Variants in PARD3 observed in about 807,000 individuals in gnomAD.
PARD3 encodes the protein par-3 family cell polarity regulator.
PARD3 carries 75 observed loss-of-function variants against 155.4 expected under a neutral mutation model. That is an observed-to-expected ratio of 0.48 (90% CI 0.40 to 0.58). The LOEUF (loss-of-function observed/expected upper bound fraction) is 0.58. PARD3 is among the 20% of genes least tolerant of loss of function. The pLI is 0.00. For missense variants in PARD3, 1,642 were observed against 1,721.7 expected (o/e 0.95, Z 0.82); for synonymous variants, 576 against 610.5 (o/e 0.94, Z 0.83).
intron 22 of PARD3, among the ~76,000 whole-genome samples, chr10:34,152,854 G>A (rs7896314): frequency 0.25 from 37,460 of 152,040 alleles, 4,938 homozygotes; most frequent in Middle Eastern, 0.4. Context: ...TATGTTGTGG[G>A]ATGAGTGACA....
At chr10:34,147,232 T>C (rs886376619) in intron 22 of PARD3, among the ~76,000 whole-genome samples, 2 of 152,198 alleles carry the variant, frequency 1.3e-5, no homozygotes, top group African/African-American at 4.8e-5. Context: ...AGCACTTTTA[T>C]AGGTATCTAC....
chr10:34,223,805 G>C (rs907166328), intron 22 of PARD3, among the ~76,000 whole-genome samples: 8 of 152,198 alleles, frequency 5.3e-5, no homozygotes, highest in Non-Finnish European at 1.2e-4. Context: ...TAACATCTCT[G>C]TGAGACAGGT....
intron 14 of PARD3, among the ~76,000 whole-genome samples, chr10:34,354,334 C>T (rs543701528): frequency 4.6e-5 from 7 of 151,306 alleles, no homozygotes; most frequent in Admixed American, 1.3e-4. Context: ...GCTGAGATCA[C>T]GCCACTGCAC....
intron 22 of PARD3, among the ~76,000 whole-genome samples, chr10:34,212,926 CT>C (rs1233548338): frequency 2.0e-5 from 3 of 152,312 alleles, no homozygotes; most frequent in Non-Finnish European, 4.4e-5. Flanking sequence ...GCCCCTTCAT[CT>C]TTCTTCATCT....
Position 34,399,423 on chromosome 10 carries a change from A to G in PARD3, c.807-10T>C. ...GAGCTTTACCATATCACTGTGAGAC[A>G]ATGATGAATGAGGGAGCATGAACGT... On this transcript the variant is annotated splice_polypyrimidine_tract_variant and intron_variant, in intron 6 of 24. Coordinates refer to ENST00000374788, the MANE Select transcript of PARD3 (RefSeq NM_001184785.2). 6.4e-7 allele frequency: 1 copy of G among 1,570,436 alleles called. No homozygotes were observed.
intron 22 of PARD3, among the ~76,000 whole-genome samples, chr10:34,248,186 T>A (rs1184679812): frequency 6.6e-6 from 1 of 152,200 alleles, no homozygotes; most frequent in Admixed American, 6.5e-5. Flanking sequence ...CTAACAACTT[T>A]CATGGTTCAC....
intron 2 of PARD3, among the ~76,000 whole-genome samples, chr10:34,520,236 C>G (rs909561422): frequency 2.0e-5 from 3 of 152,094 alleles, no homozygotes; most frequent in Non-Finnish European, 4.4e-5. Context: ...AACCATTGTA[C>G]AGTCACAAAG....
At chr10:34,139,776 T>G (rs1427637845) in intron 22 of PARD3, among the ~76,000 whole-genome samples, 1 of 152,188 alleles carries the variant, frequency 6.6e-6, no homozygotes, top group Non-Finnish European at 1.5e-5. Flanking sequence ...ACTGTCAGCA[T>G]GACAAAGTGG....
chr10:34,579,511 T>C (rs1161858875), intron 2 of PARD3, among the ~76,000 whole-genome samples: 1 of 151,566 alleles, frequency 6.6e-6, no homozygotes, highest in Admixed American at 6.6e-5. Context: ...CCTAGTTCAC[T>C]GTCAGACAAC....
chr10:34,604,298 A>G (rs2477013), intron 2 of PARD3, among the ~76,000 whole-genome samples: 80,042 of 151,926 alleles, frequency 0.53, 24,477 homozygotes, highest in African/African-American at 0.86. Context: ...TTTGACTCTG[A>G]GCTGGGGAAG....
chr10:34,198,201 C>T (rs1951040913), intron 22 of PARD3, among the ~76,000 whole-genome samples: 1 of 152,154 alleles, frequency 6.6e-6, no homozygotes, highest in African/African-American at 2.4e-5. Context: ...AAAATCACTT[C>T]ATTTTTTGAT....
intron 2 of PARD3, among the ~76,000 whole-genome samples, chr10:34,661,689 C>T (rs1307024719): frequency 1.3e-5 from 2 of 152,214 alleles, no homozygotes; most frequent in Non-Finnish European, 2.9e-5. Flanking sequence ...GTCCATCCAT[C>T]ATCTGGCCTT....
intron 22 of PARD3, among the ~76,000 whole-genome samples, chr10:34,260,852 T>C (rs1165723536): frequency 6.6e-6 from 1 of 152,194 alleles, no homozygotes; most frequent in Non-Finnish European, 1.5e-5. Context: ...GTTTAATAAG[T>C]GCCTATATCT....
At chr10:34,695,796 A>T (rs539447862) in intron 2 of PARD3, among the ~76,000 whole-genome samples, 3 of 151,616 alleles carry the variant, frequency 2.0e-5, no homozygotes, top group Non-Finnish European at 4.4e-5. Flanking sequence ...CAAATGGCCC[A>T]TCGCACAGCA....
At chr10:34,598,742 C>G (rs557177406) in intron 2 of PARD3, among the ~76,000 whole-genome samples, 1 of 152,232 alleles carries the variant, frequency 6.6e-6, no homozygotes, top group African/African-American at 2.4e-5. Context: ...CCTGGGGGTA[C>G]CAGCAGTAAA....
At chr10:34,271,758 C>T (rs1955620234) in intron 21 of PARD3, among the ~76,000 whole-genome samples, 1 of 152,144 alleles carries the variant, frequency 6.6e-6, no homozygotes, top group African/African-American at 2.4e-5. Context: ...ATGCTTCTTA[C>T]TTGCAAATGA....
At chr10:34,521,439 A>G (rs2133692662) in intron 2 of PARD3, among the ~76,000 whole-genome samples, 1 of 152,048 alleles carries the variant, frequency 6.6e-6, no homozygotes, top group South Asian at 2.1e-4. Context: ...CATGCCCTTC[A>G]AAAAGTAAAG....
chr10:34,250,454 C>T (rs1954237497), intron 22 of PARD3, among the ~76,000 whole-genome samples: 1 of 152,126 alleles, frequency 6.6e-6, no homozygotes, highest in South Asian at 2.1e-4. Flanking sequence ...ACCTTTAAAT[C>T]ATACCTAGCT....
At chr10:34,210,394 G>A (rs967521461) in intron 22 of PARD3, among the ~76,000 whole-genome samples, 3 of 152,166 alleles carry the variant, frequency 2.0e-5, no homozygotes, top group African/African-American at 7.2e-5. Flanking sequence ...CACATACTTT[G>A]CGTGTGGATG....
Sources: gnomAD v4.1 joint callset for allele counts (sites outside exome capture counted in the v4.1 genomes callset) on GRCh38, gnomAD v4.1.1 for gene constraint, MANE v1.5 for transcripts, NCBI Gene and HGNC (gene_info 2026-07-23, HGNC 2026-07-21) for gene names.